Variants in ARHGAP12 observed in about 807,000 individuals in gnomAD.
ARHGAP12 encodes Rho GTPase activating protein 12.
ARHGAP12 carries 64 observed loss-of-function variants against 108.6 expected under a neutral mutation model. The ratio of observed to expected loss-of-function variants is 0.59; its 90% CI spans 0.48 to 0.73. The LOEUF is 0.73. Ranked by LOEUF, ARHGAP12 falls within the 30% of genes least tolerant of loss-of-function variation. The pLI, the probability that ARHGAP12 is intolerant of heterozygous loss-of-function variation, is 0.00. For missense variants in ARHGAP12, 940 were observed against 1,005.9 expected, an observed-to-expected ratio of 0.93 and a Z score of 0.89; for synonymous variants, 312 against 337.2, an observed-to-expected ratio of 0.93 and a Z score of 0.82.
intron 3 of ARHGAP12, among the ~76,000 whole-genome samples, chr10:31,898,853 AC>A (rs1207994531): frequency 1.2e-4 from 18 of 152,264 alleles, no homozygotes; most frequent in African/African-American, 4.1e-4. Flanking sequence ...AAATAGTGTA[AC>A]AACAACAAAC....
intron 6 of ARHGAP12, among the ~76,000 whole-genome samples, chr10:31,848,621 CTA>C (rs1245975414): frequency 1.3e-5 from 2 of 152,096 alleles, no homozygotes; most frequent in Non-Finnish European, 2.9e-5. Flanking sequence ...ATTTGAATAA[CTA>C]TGTTTTTTCA....
chr10:31,898,304 T>C (rs1289498680), intron 3 of ARHGAP12, among the ~76,000 whole-genome samples: 1 of 152,120 alleles, frequency 6.6e-6, no homozygotes, highest in Non-Finnish European at 1.5e-5. Flanking sequence ...CAAATGAACA[T>C]ATGAAAAGAT....
intron 6 of ARHGAP12, among the ~76,000 whole-genome samples, chr10:31,851,417 TTATC>T (rs1322710549): frequency 6.6e-6 from 1 of 152,160 alleles, no homozygotes; most frequent in East Asian, 1.9e-4. Flanking sequence ...AGTATTTCCT[TTATC>T]TATCTCCTCA....
rs186018257 is a variant in ARHGAP12, at chr10:31,837,898, A to G, written c.1386+1407T>C. 8.6e-4 allele frequency among the ~76,000 whole-genome samples: 131 copies of G among 152,292 alleles called. 1 individual carries two copies. The highest frequency in any genetic ancestry group is 2.9e-3 in the African/African-American group (121 of 41,566). On this transcript the variant is annotated intron_variant, in intron 9 of 19. Coordinates refer to ENST00000344936, the MANE Select transcript of ARHGAP12 (RefSeq NM_018287.7). ...CAAATATTTACTGAGCAGCTATTAT[A>G]TGGCACTGTGGGAGGTAATGGGGTA...
chr10:31,877,545 T>C (rs1021503376), intron 3 of ARHGAP12, among the ~76,000 whole-genome samples: 4 of 152,220 alleles, frequency 2.6e-5, no homozygotes, highest in Non-Finnish European at 5.9e-5. Flanking sequence ...ATAAACAGAT[T>C]ATTTTTCTCC....
intron 15 of ARHGAP12, among the ~76,000 whole-genome samples, chr10:31,812,261 G>C (rs2808028): frequency 9.2e-5 from 14 of 151,798 alleles, no homozygotes; most frequent in Non-Finnish European, 1.8e-4. Context: ...TGAAATAACA[G>C]GCAAATAAAT....
chr10:31,925,200 A>G (rs1011980987), intron 1 of ARHGAP12, among the ~76,000 whole-genome samples: 7 of 152,164 alleles, frequency 4.6e-5, no homozygotes, highest in African/African-American at 1.7e-4. Context: ...TACTACAAAA[A>G]AACTATTATC....
chr10:31,809,845 T>A (rs185294395), intron 16 of ARHGAP12, among the ~76,000 whole-genome samples: 97 of 152,280 alleles, frequency 6.4e-4, no homozygotes, highest in African/African-American at 2.2e-3. Context: ...AACAGAATCA[T>A]CTGAAATTCA....
Position 31,899,376 on chromosome 10 carries a change from G to A in ARHGAP12, c.684+8796C>T, listed in dbSNP as rs139227364. Among the ~76,000 whole-genome samples, 65 of 152,216 alleles carry A rather than the reference G, an allele frequency of 4.3e-4. No individual in the cohort carries two copies. In the Middle Eastern group the frequency reaches 0.014, roughly 32 times the overall value. On this transcript the variant is annotated intron_variant, in intron 3 of 19. Transcript: ENST00000344936. ...CCCAACAAACTATTTTGTAGATATGGACAAAGTGAAATTTAAACCTTACAT... is the reference window on the plus strand; with the variant it reads ...CCCAACAAACTATTTTGTAGATATGAACAAAGTGAAATTTAAACCTTACAT...
intron 6 of ARHGAP12, among the ~76,000 whole-genome samples, chr10:31,848,778 G>A (rs1431201755): frequency 6.6e-6 from 1 of 152,056 alleles, no homozygotes; most frequent in Admixed American, 6.5e-5. Flanking sequence ...AAATTATTAA[G>A]AACATTACTT....
intron 1 of ARHGAP12, among the ~76,000 whole-genome samples, chr10:31,914,100 G>C (rs1305977127): frequency 1.3e-5 from 2 of 152,086 alleles, no homozygotes; most frequent in Admixed American, 1.3e-4. Flanking sequence ...CTCTGTAATT[G>C]CAAAAACAAA....
At chr10:31,894,226 T>C (rs906990882) in intron 3 of ARHGAP12, among the ~76,000 whole-genome samples, 3 of 152,138 alleles carry the variant, frequency 2.0e-5, no homozygotes, top group African/African-American at 7.2e-5. Context: ...CTATTCAACA[T>C]AGTGTTGGAA....
intron 3 of ARHGAP12, among the ~76,000 whole-genome samples, chr10:31,883,713 CTT>C (rs545505761): frequency 2.7e-4 from 38 of 139,694 alleles, no homozygotes; most frequent in East Asian, 4.1e-4. Context: ...ATGTAAAATA[CTT>C]TTTTTTTTTT....
At chr10:31,898,437 A>C (rs1838791217) in intron 3 of ARHGAP12, among the ~76,000 whole-genome samples, 1 of 152,186 alleles carries the variant, frequency 6.6e-6, no homozygotes, top group Admixed American at 6.5e-5. Flanking sequence ...ATGTGGAAAA[A>C]TTGGAACCCT....
chr10:31,855,999 C>A (rs1307178965), intron 4 of ARHGAP12, among the ~76,000 whole-genome samples: 1 of 151,978 alleles, frequency 6.6e-6, no homozygotes, highest in Non-Finnish European at 1.5e-5. Context: ...CTATTCTATA[C>A]CTAATAACTC....
intron 3 of ARHGAP12, among the ~76,000 whole-genome samples, chr10:31,877,811 G>A (rs535272949): frequency 3.9e-5 from 6 of 152,322 alleles, no homozygotes; most frequent in Non-Finnish European, 7.3e-5. Context: ...TTTAAAACCA[G>A]TTGGGTGAGG....
At chr10:31,829,121 C>T (rs1471716588) in intron 10 of ARHGAP12, among the ~76,000 whole-genome samples, 1 of 152,070 alleles carries the variant, frequency 6.6e-6, no homozygotes, top group African/African-American at 2.4e-5. Context: ...CACTGCACTC[C>T]AGCCTGGGCG....
At chr10:31,811,760 C>T (rs1361599790) in intron 15 of ARHGAP12, among the ~76,000 whole-genome samples, 1 of 151,866 alleles carries the variant, frequency 6.6e-6, no homozygotes. Flanking sequence ...GCCTCTAATT[C>T]CTGTGTTCAA....
At position 31,839,214 on chromosome 10, in the gene ARHGAP12, A is replaced by G; in HGVS notation, c.1386+91T>C. The G allele has an allele frequency of 3.0e-6, 4 of 1,343,586 alleles. No homozygotes were observed. In the South Asian group the frequency reaches 3.9e-5, roughly 13 times the overall value. The allele number at this position is 1,343,586 out of a possible 1,614,324, so 83.2% of individuals were successfully genotyped here. A position where few individuals can be genotyped will look rare whatever the true frequency, so the allele number is the denominator to read the frequency against. On this transcript the variant is annotated intron_variant, in intron 9 of 19. Coordinates refer to ENST00000344936, the MANE Select transcript of ARHGAP12 (RefSeq NM_018287.7). The stretch of plus-strand genomic sequence containing the variant: ...TTACAGTTAAGCTATATTATTTCCA[A>G]TATTCATCTGGCACAGACTTGGCAA...
Sources: gnomAD v4.1 joint callset for allele counts (sites outside exome capture counted in the v4.1 genomes callset) on GRCh38, gnomAD v4.1.1 for gene constraint, MANE v1.5 for transcripts, NCBI Gene and HGNC (gene_info 2026-07-23, HGNC 2026-07-21) for gene names.